The following ADAMTS18 variants were observed in gnomAD, a reference collection of about 807,000 sequenced individuals.
The protein encoded by ADAMTS18 is A disintegrin and metalloproteinase with thrombospondin motifs 18.
ADAMTS18 carries 157 observed loss-of-function variants against 165.9 expected under a neutral mutation model. That is an observed-to-expected ratio of 0.95 (90% CI 0.83 to 1.08). ADAMTS18 has a LOEUF of 1.08. ADAMTS18 is among the 50% of genes least tolerant of loss of function. The probability of loss-of-function intolerance (pLI) is 0.00; values close to 1 mark genes in which losing one functional copy is unlikely to be tolerated. For synonymous variants in ADAMTS18, 782 were observed against 578.2 expected (o/e 1.35, Z -5.06); for missense variants, 2,040 against 1,534.0 (o/e 1.33, Z -5.51).
chr16:77,356,790 A>C (rs2056637390), intron 8 of ADAMTS18, among the ~76,000 whole-genome samples: 1 of 152,180 alleles, frequency 6.6e-6, no homozygotes, highest in Non-Finnish European at 1.5e-5. Context: ...TCTAGAAATC[A>C]TGCACATTAT....
At chr16:77,374,926 G>A (rs1038523314) in intron 3 of ADAMTS18, among the ~76,000 whole-genome samples, 1 of 151,968 alleles carries the variant, frequency 6.6e-6, no homozygotes, top group African/African-American at 2.4e-5. Flanking sequence ...TTATTTTTCT[G>A]CTTTAGTTTG....
Position 77,353,849 on chromosome 16 carries a change from G to T in ADAMTS18, c.1498C>A (p.Gln500Lys). 3 of 1,614,118 alleles carry T rather than the reference G, an allele frequency of 1.9e-6. No individual in the cohort carries two copies. Among genetic ancestry groups the T allele is most frequent in the Non-Finnish European group, 2.5e-6 (3 of 1,180,020 alleles). ...QAGCLVDEPK[Q>K]AGQYKYPDKL... is the part of the protein sequence containing the mutation. ...TCCGGATATTTATACTGTCCTGCTT[G>T]CTTGGGCTCATCCACTAGACACCCC... Residue 500 changes from glutamine (Q) to lysine (K), a missense_variant, in exon 10 of 23, where the codon CAA becomes AAA. Transcript: ENST00000282849.
At chr16:77,421,869 A>G (rs1232607975) in intron 3 of ADAMTS18, among the ~76,000 whole-genome samples, 3 of 152,226 alleles carry the variant, frequency 2.0e-5, no homozygotes, top group Non-Finnish European at 1.5e-5. Flanking sequence ...AACATTAATC[A>G]GAAGAAAATA....
rs1237654825 is a variant in ADAMTS18, at chr16:77,434,464, C to G, written c.132G>C (p.Ala44=). The change falls in exon 2 of 23, where the codon GCG becomes GCC. Residue 44 remains alanine, a synonymous_variant. Coordinates refer to ENST00000282849, the MANE Select transcript of ADAMTS18 (RefSeq NM_199355.4). ...CGCTGCTGCTGTCACTGGCTAAGGCCGCGGCGACCGACGCACAGCAGAGGC... is the reference window on the plus strand; with the variant it reads ...CGCTGCTGCTGTCACTGGCTAAGGCGGCGGCGACCGACGCACAGCAGAGGC... ...LCCLCCASVA[A]ALASDSSSGA... 1.9e-6 allele frequency: 3 copies of G among 1,571,510 alleles called. No individual in the cohort carries two copies. Among genetic ancestry groups the G allele is most frequent in the South Asian group, 2.3e-5 (2 of 86,694 alleles).
intron 10 of ADAMTS18, among the ~76,000 whole-genome samples, chr16:77,347,129 T>A (rs949404723): frequency 6.6e-6 from 1 of 152,210 alleles, no homozygotes; most frequent in East Asian, 1.9e-4. Flanking sequence ...AGTTCATTCT[T>A]CTTTATTGAT....
intron 3 of ADAMTS18, among the ~76,000 whole-genome samples, chr16:77,422,844 C>T (rs76722335): frequency 6.6e-6 from 1 of 152,262 alleles, no homozygotes; most frequent in East Asian, 1.9e-4. Flanking sequence ...CCTTAGAATA[C>T]CTACCAGGTA....
chr16:77,322,819 G>C (rs1597121271), intron 13 of ADAMTS18, among the ~76,000 whole-genome samples: 1 of 152,276 alleles, frequency 6.6e-6, no homozygotes, highest in Admixed American at 6.5e-5. Context: ...ATGAAGTAGT[G>C]TGGCTGTGTT....
At chr16:77,422,703 CA>C (rs1167112656) in intron 3 of ADAMTS18, among the ~76,000 whole-genome samples, 1 of 151,810 alleles carries the variant, frequency 6.6e-6, no homozygotes, top group Admixed American at 6.6e-5. Flanking sequence ...ATTCCAGAGC[CA>C]AAAAAATGCA....
Position 77,319,967 on chromosome 16 carries a change from C to T in ADAMTS18, c.2414G>A (p.Ser805Asn), listed in dbSNP as rs1166450217. The T allele has an allele frequency of 6.2e-7, 1 of 1,614,218 alleles. No homozygotes were observed. Among genetic ancestry groups the T allele is most frequent in the East Asian group, 2.2e-5 (1 of 44,876 alleles). ...GGGGAACTCCCCAGGCCAGTCGATGCTCCAGCCCCCGGTGAGGTAATACTT... is the reference window on the plus strand; with the variant it reads ...GGGGAACTCCCCAGGCCAGTCGATGTTCCAGCCCCCGGTGAGGTAATACTT... The part of the protein sequence containing the change: ...SQKYYLTGGW[S>N]IDWPGEFPFA... Residue 805 changes from serine to asparagine, a missense_variant, in exon 16 of 23, where the codon AGC becomes AAC. Physicochemically the swap from Ser to Asn is conservative, Grantham distance 46 (BLOSUM62 1). Transcript: ENST00000282849.
At chr16:77,404,426 T>G (rs2057369407) in intron 3 of ADAMTS18, among the ~76,000 whole-genome samples, 1 of 152,066 alleles carries the variant, frequency 6.6e-6, no homozygotes, top group African/African-American at 2.4e-5. Flanking sequence ...ATACCTAGGA[T>G]TTCTCTATAA....
intron 16 of ADAMTS18, among the ~76,000 whole-genome samples, chr16:77,302,928 T>A (rs2055612670): frequency 6.6e-6 from 1 of 152,150 alleles, no homozygotes; most frequent in Non-Finnish European, 1.5e-5. Flanking sequence ...GTGTCACCAG[T>A]ATTAAGCAAA....
chr16:77,298,604 CA>C (rs2055520782), intron 17 of ADAMTS18, among the ~76,000 whole-genome samples: 1 of 151,794 alleles, frequency 6.6e-6, no homozygotes, highest in Non-Finnish European at 1.5e-5. Context: ...CCAGCCTGGG[CA>C]ACATGGCAAA....
At chr16:77,402,222 A>G (rs1219568331) in intron 3 of ADAMTS18, among the ~76,000 whole-genome samples, 2 of 152,220 alleles carry the variant, frequency 1.3e-5, no homozygotes, top group African/African-American at 4.8e-5. Context: ...TTAGTTATAT[A>G]ATGAGATACT....
intron 22 of ADAMTS18, among the ~76,000 whole-genome samples, chr16:77,287,658 G>A (rs535383208): frequency 6.6e-6 from 1 of 152,204 alleles, no homozygotes; most frequent in South Asian, 2.1e-4. Context: ...TCTTAGTAGA[G>A]ACGGGGTTTC....
intron 21 of ADAMTS18, 157 bp from the exon 22 acceptor site, chr16:77,289,568 A>G (rs537917594): frequency 1.7e-5 from 14 of 818,320 alleles, no homozygotes; most frequent in Admixed American, 6.4e-5. Context: ...CACAGCATCT[A>G]TCCTAACAAG....
At chr16:77,387,691 G>T (rs2144783279) in intron 3 of ADAMTS18, among the ~76,000 whole-genome samples, 1 of 152,298 alleles carries the variant, frequency 6.6e-6, no homozygotes, top group Admixed American at 6.5e-5. Flanking sequence ...TGGATGTTGA[G>T]TTTTTTAACT....
chr16:77,327,046 G>A (rs2056107171), intron 12 of ADAMTS18, among the ~76,000 whole-genome samples: 1 of 152,206 alleles, frequency 6.6e-6, no homozygotes, highest in South Asian at 2.1e-4. Context: ...TGTTTTGGCT[G>A]CATAGTATTC....
In ADAMTS18 at chr16:77,401,110, C is replaced by T. The variant is rs576145887; in HGVS notation, c.495+30185G>A. Among the ~76,000 whole-genome samples the T allele has an allele frequency of 3.3e-5, 5 of 152,068 alleles. No homozygotes were observed. The South Asian group carries it at 6.2e-4, about 19-fold the overall frequency. ...GTCTCTACTAAAAATACAAAATTAG[C>T]CAGGCGTGGTGGCGGGTGCCTATAA... is the stretch of plus-strand genomic sequence containing the variant. On this transcript the variant is annotated intron_variant, in intron 3 of 22. Transcript: ENST00000282849.
chr16:77,340,630 G>T (rs776251288), intron 11 of ADAMTS18, among the ~76,000 whole-genome samples: 10 of 152,098 alleles, frequency 6.6e-5, no homozygotes, highest in Non-Finnish European at 1.3e-4. Context: ...GCCCAGGATG[G>T]AGTGCAGTGG....
Sources: allele counts gnomAD v4.1 joint callset (sites outside exome capture counted in the v4.1 genomes callset), GRCh38; gene constraint gnomAD v4.1.1; transcripts MANE v1.5; gene names NCBI Gene and HGNC (gene_info 2026-07-23, HGNC 2026-07-21).